Variants in NTSR2 observed in about 807,000 individuals in gnomAD.
NTSR2 encodes the protein neurotensin receptor 2.
NTSR2 carries 22 observed loss-of-function variants against 24.1 expected under a neutral mutation model. The observed-to-expected ratio is 0.91, with a 90% CI of 0.65 to 1.30. NTSR2 has a LOEUF of 1.30. Among genes scored for constraint, NTSR2 ranks in the 50% most tolerant of loss-of-function variants. NTSR2 has a pLI of 0.00. For synonymous variants in NTSR2, 291 were observed against 267.0 expected (o/e 1.09, Z -0.88); for missense variants, 570 against 570.4 (o/e 1.00, Z 0.01).
intron 1 of NTSR2, among the ~76,000 whole-genome samples, chr2:11,666,771 AAGGAGGGAGCTTGATGATGAGTGAGGAG>A (rs1177339697): frequency 6.6e-6 from 1 of 152,122 alleles, no homozygotes; most frequent in Admixed American, 6.5e-5. Flanking sequence ...GGGGTGGAGG[AAGGAGGGAGCTTGATGATGAGTGAGGAG>A]AGGAGGGAGG....
At chr2:11,663,272 A>T (rs1211722358) in intron 1 of NTSR2, among the ~76,000 whole-genome samples, 2 of 152,216 alleles carry the variant, frequency 1.3e-5, no homozygotes, top group Admixed American at 1.3e-4. Context: ...GGGGTATCCT[A>T]CACAGGACCC....
intron 1 of NTSR2, among the ~76,000 whole-genome samples, chr2:11,662,721 C>T (rs910323355): frequency 6.6e-6 from 1 of 152,118 alleles, no homozygotes; most frequent in Non-Finnish European, 1.5e-5. Flanking sequence ...GCGGAGCTTG[C>T]AGTGAGCCGA....
At chr2:11,663,462 G>A (rs959329690) in intron 1 of NTSR2, among the ~76,000 whole-genome samples, 4 of 152,292 alleles carry the variant, frequency 2.6e-5, no homozygotes, top group African/African-American at 7.2e-5. Context: ...CATATTGAAA[G>A]GGCATTTACG....
intron 1 of NTSR2, chr2:11,665,462 C>G (rs1277162838): frequency 6.6e-6 from 1 of 152,224 alleles, no homozygotes; most frequent in Non-Finnish European, 1.5e-5. Context: ...ATAAGTAGCT[C>G]TGGGACTCGG....
chr2:11,664,273 C>T (rs1307681738), intron 1 of NTSR2, among the ~76,000 whole-genome samples: 2 of 152,110 alleles, frequency 1.3e-5, no homozygotes, highest in Non-Finnish European at 2.9e-5. Flanking sequence ...TGTGCCACTA[C>T]GCCTGGCTAA....
At chr2:11,659,674 G>A (rs1404060365) in intron 3 of NTSR2, among the ~76,000 whole-genome samples, 1 of 152,192 alleles carries the variant, frequency 6.6e-6, no homozygotes, top group African/African-American at 2.4e-5. Context: ...TTAGCTCCTG[G>A]GGTCGCACCT....
rs1661302710 is a variant in NTSR2 at position 11,670,059 on chromosome 2, C to A, written c.71G>T (p.Gly24Val). 1 of 1,473,728 alleles carries A rather than the reference C, an allele frequency of 6.8e-7. No individual in the cohort carries two copies. 91.3% of individuals were successfully genotyped at this position (1,473,728 alleles called of 1,614,324 possible). A position where few individuals can be genotyped will look rare whatever the true frequency, so the allele number is the denominator to read the frequency against. The change falls in exon 1 of 4, where the codon GGC (glycine) becomes GTC (valine). Residue 24 changes from glycine to valine, a missense_variant. Coordinates refer to ENST00000306928, the MANE Select transcript of NTSR2 (RefSeq NM_012344.4). ...CTTGGCCCAGAGGCGAGTGTCCACG[C>A]CCAGCCGGGCGTCCAGGCTCAGCCC... ...NPGLSLDARL[G>V]VDTRLWAKVL...
intron 1 of NTSR2, among the ~76,000 whole-genome samples, chr2:11,662,538 T>C (rs1433114793): frequency 9.9e-5 from 15 of 152,064 alleles, no homozygotes; most frequent in Admixed American, 9.8e-4. Flanking sequence ...TCCCAGCACT[T>C]TGGGAGGCCG....
intron 1 of NTSR2, among the ~76,000 whole-genome samples, chr2:11,667,598 G>A (rs1369780418): frequency 1.3e-5 from 2 of 152,168 alleles, no homozygotes; most frequent in Non-Finnish European, 2.9e-5. Flanking sequence ...TCCTGCCTTA[G>A]CCTCCCAAAG....
intron 1 of NTSR2, 50 bp downstream of exon 1, chr2:11,669,456 C>CCCCGGGGGGGGGGGGGGGG: frequency 3.0e-6 from 1 of 331,924 alleles, no homozygotes; most frequent in Non-Finnish European, 5.4e-6. Context: ...CTCCTCCCAG[C>CCCCGGGGGGGGGGGGGGGG]ACCGCCCCCC....
At chr2:11,659,419 C>A (rs183726327) in intron 3 of NTSR2, among the ~76,000 whole-genome samples, 2 of 152,246 alleles carry the variant, frequency 1.3e-5, no homozygotes, top group Non-Finnish European at 2.9e-5. Context: ...CAGTGGGAAG[C>A]GCTTGGCACG....
chr2:11,669,460 G>GGGGCGGGGGGGGGCCCCCCCC, intron 1 of NTSR2, 46 bp downstream of exon 1: 1 of 254,726 alleles, frequency 3.9e-6, no homozygotes, highest in African/African-American at 3.1e-5. Context: ...TCCCAGCACC[G>GGGGCGGGGGGGGGCCCCCCCC]CCCCCCCACC....
At chr2:11,661,625 C>A (rs958578674) in intron 2 of NTSR2, among the ~76,000 whole-genome samples, 1 of 152,320 alleles carries the variant, frequency 6.6e-6, no homozygotes, top group African/African-American at 2.4e-5. Flanking sequence ...CCCAGCCCAT[C>A]TGAGAGTCCA....
chr2:11,669,735 T>G lies in NTSR2; in HGVS notation c.395A>C (p.Glu132Ala). The change falls in exon 1 of 4, where the codon GAG (glutamate) becomes GCG (alanine). Residue 132 changes from glutamate to alanine, a missense_variant. Glu to Ala is a moderately radical substitution (Grantham distance 107). Coordinates refer to ENST00000306928, the MANE Select transcript of NTSR2 (RefSeq NM_012344.4). ...TVLSVAGLSA[E>A]RCLAVCQPLR... ...GGGCTGGCACACGGCTAGGCAGCGC[T>G]CGGCGCTCAGGCCTGCCACGCTCAG... is the stretch of plus-strand genomic sequence containing the variant. 6.5e-7 allele frequency: 1 copy of G among 1,532,332 alleles called. No individual in the cohort carries two copies. The highest frequency in any genetic ancestry group is 8.7e-7 in the Non-Finnish European group (1 of 1,145,002). 94.9% of individuals were successfully genotyped at this position (1,532,332 alleles called of 1,614,324 possible). A position where few individuals can be genotyped will look rare whatever the true frequency, so the allele number is the denominator to read the frequency against.
intron 1 of NTSR2, among the ~76,000 whole-genome samples, chr2:11,663,339 G>C (rs997370007): frequency 6.6e-6 from 1 of 152,122 alleles, no homozygotes; most frequent in African/African-American, 2.4e-5. Flanking sequence ...ACTTCCCTAT[G>C]GTCCCCCTGT....
At chr2:11,659,036 A>G (rs1283481588) in intron 3 of NTSR2, among the ~76,000 whole-genome samples, 3 of 152,096 alleles carry the variant, frequency 2.0e-5, no homozygotes, top group Non-Finnish European at 4.4e-5. Context: ...TATTTTTAGT[A>G]GAGACGCGGT....
chr2:11,659,973 C>G, intron 3 of NTSR2, 70 bp downstream of exon 3: 1 of 1,260,556 alleles, frequency 7.9e-7, no homozygotes, highest in Admixed American at 1.7e-5. Context: ...CTCTGGAGAG[C>G]AATGGAGACC....
At position 11,660,162 on chromosome 2, in the gene NTSR2, C is replaced by T. The variant is rs369133265; in HGVS notation, c.899-29G>A. ...CAGAGCATTGGAAAGGGAGAGACAG[C>T]GCCAGGAGAAAGCAAACACATTCTC... On this transcript the variant is annotated intron_variant, in intron 2 of 3. Coordinates refer to ENST00000306928, the MANE Select transcript of NTSR2 (RefSeq NM_012344.4). The T allele has an allele frequency of 1.4e-4, 223 of 1,568,224 alleles. 1 individual carries two copies. The highest frequency in any genetic ancestry group is 6.0e-4 in the Admixed American group (36 of 59,908).
intron 1 of NTSR2, among the ~76,000 whole-genome samples, chr2:11,664,765 G>C (rs773118713): frequency 4.6e-5 from 7 of 152,120 alleles, no homozygotes; most frequent in Non-Finnish European, 8.8e-5. Context: ...TTCAAAAACT[G>C]TAAGCAATTT....
Sources: gnomAD v4.1 joint callset for allele counts (sites outside exome capture counted in the v4.1 genomes callset) on GRCh38, gnomAD v4.1.1 for gene constraint, MANE v1.5 for transcripts, NCBI Gene and HGNC (gene_info 2026-07-23, HGNC 2026-07-21) for gene names.